DCLRE1C: variants seen among roughly 807,000 people sequenced by gnomAD.
The protein encoded by DCLRE1C is DNA cross-link repair 1C.
DCLRE1C carries 47 observed loss-of-function variants against 61.4 expected under a neutral mutation model. The ratio of observed to expected loss-of-function variants is 0.77; its 90% CI spans 0.61 to 0.98. The LOEUF (loss-of-function observed/expected upper bound fraction) is 0.98. Among genes scored for constraint, DCLRE1C ranks in the 50% least tolerant of loss-of-function variants. The pLI, the probability that DCLRE1C is intolerant of heterozygous loss-of-function variation, is 0.00. For synonymous variants in DCLRE1C, 337 were observed against 287.6 expected, an observed-to-expected ratio of 1.17 and a Z score of -1.74; for missense variants, 858 against 816.0, an observed-to-expected ratio of 1.05 and a Z score of -0.63.
chr10:14,938,881 C>CA (rs1386353525), intron 4 of DCLRE1C, among the ~76,000 whole-genome samples: 1 of 152,086 alleles, frequency 6.6e-6, no homozygotes, highest in Non-Finnish European at 1.5e-5. Context: ...ACAAATGTGA[C>CA]AAAAAATAAG....
chr10:14,942,989 G>A (rs1486184747), intron 3 of DCLRE1C, among the ~76,000 whole-genome samples: 3 of 152,172 alleles, frequency 2.0e-5, no homozygotes, highest in African/African-American at 7.2e-5. Context: ...AGCCAGGTGT[G>A]GTGGTTCAGG....
intron 11 of DCLRE1C, among the ~76,000 whole-genome samples, chr10:14,925,824 C>T (rs996320402): frequency 7.9e-5 from 12 of 152,122 alleles, no homozygotes; most frequent in East Asian, 1.9e-4. Context: ...AAAAAGGAAA[C>T]TTTCGATATG....
chr10:14,908,311 A>C lies in DCLRE1C; in HGVS notation c.*97T>G. On this transcript the variant is annotated 3_prime_UTR_variant, in exon 14 of 14. Transcript: ENST00000378278. Reference sequence around the variant, plus strand: ...CCACCACACCCAACCAGGTTATTTGAACATTTTTAAGTACTGTATTTTCTC... The same window carrying C: ...CCACCACACCCAACCAGGTTATTTGCACATTTTTAAGTACTGTATTTTCTC... 9.5e-7 allele frequency: 1 copy of C among 1,050,796 alleles called. No homozygotes were observed. Among genetic ancestry groups the C allele is most frequent in the Non-Finnish European group, 1.4e-6 (1 of 691,430 alleles). The allele number at this position is 1,050,796 out of a possible 1,614,324, so 65.1% of individuals were successfully genotyped here. A position where few individuals can be genotyped will look rare whatever the true frequency, so the allele number is the denominator to read the frequency against.
At chr10:14,900,752 C>G (rs568573478), downstream of DCLRE1C, among the ~76,000 whole-genome samples, 257 of 151,946 alleles carry the variant, frequency 1.7e-3, no homozygotes, top group Non-Finnish European at 3.1e-3. Context: ...CACAGTTGTT[C>G]TAGTTATTTT....
chr10:14,950,690 G>C (rs1223841525), intron 1 of DCLRE1C, among the ~76,000 whole-genome samples: 1 of 152,180 alleles, frequency 6.6e-6, no homozygotes, highest in Non-Finnish European at 1.5e-5. Flanking sequence ...GCAAAGAGGA[G>C]GCTGAATGCA....
In DCLRE1C at chr10:14,949,707, G is replaced by T. The variant is rs41304324; in HGVS notation, c.110-620C>A. ...CATTCCAATATATTCTGAATCTTTAGCAAGTAAAGGCCCAGACAACAATGA... is the reference window on the plus strand; with the variant it reads ...CATTCCAATATATTCTGAATCTTTATCAAGTAAAGGCCCAGACAACAATGA... On this transcript the variant is annotated intron_variant, in intron 1 of 13. Transcript: ENST00000378278. Among the ~76,000 whole-genome samples the T allele has an allele frequency of 1.5e-3, 231 of 152,340 alleles. 11 individuals are homozygous for T. The East Asian group carries it at 0.04, about 26-fold the overall frequency.
At position 14,935,236 on chromosome 10, in the gene DCLRE1C, G is replaced by T. The variant is rs1453006158; in HGVS notation, c.464+227C>A. 3.3e-5 allele frequency among the ~76,000 whole-genome samples: 5 copies of T among 151,984 alleles called. 1 individual carries two copies. The highest frequency in any genetic ancestry group is 3.3e-4 in the Admixed American group (5 of 15,264). On this transcript the variant is annotated intron_variant, in intron 6 of 13. Transcript: ENST00000378278. The stretch of plus-strand genomic sequence containing the variant: ...AATCCCAGCACTTTGGGAGGCCAAG[G>T]GGGGCAGATCACCTGAAGTCAGGAG...
rs1836800795 is a variant in DCLRE1C, at chr10:14,919,802, A to C, written c.1092T>G (p.Ser364Arg). 1 of 1,613,864 alleles carries C rather than the reference A, an allele frequency of 6.2e-7. No homozygotes were observed. Among genetic ancestry groups the C allele is most frequent in the African/African-American group, 1.3e-5 (1 of 74,906 alleles). ...ILKPLCRSSQ[S>R]TEPKYKPLGK... is the part of the protein sequence containing the mutation. ...CCAGTGGTTTATACTTTGGCTCCGT[A>C]CTTTGGGAAGACCGGCATAAAGGCT... The change falls in exon 13 of 14, where the codon AGT becomes AGG. Residue 364 changes from serine to arginine, a missense_variant. By Grantham distance (110) the Ser-to-Arg change is moderately radical. Around this residue, in one of 2 missense-constraint regions of DCLRE1C, gnomAD observed 843 missense variants for 783.5 expected, o/e 1.08. Coordinates refer to ENST00000378278, the MANE Select transcript of DCLRE1C (RefSeq NM_001033855.3).
At chr10:14,928,269 A>T in intron 9 of DCLRE1C, 117 bp from the exon 10 acceptor site, 1 of 917,206 alleles carries the variant, frequency 1.1e-6, no homozygotes, top group African/African-American at 1.7e-5. Flanking sequence ...AAAAAATAAA[A>T]AAAAAGCAGC....
downstream of DCLRE1C, among the ~76,000 whole-genome samples, chr10:14,900,219 A>G (rs1270531317): frequency 1.3e-5 from 2 of 152,228 alleles, no homozygotes; most frequent in Admixed American, 1.3e-4. Context: ...CTTAGAATAC[A>G]GCTGGCACTT....
intron 9 of DCLRE1C, among the ~76,000 whole-genome samples, chr10:14,932,407 G>A (rs1839161699): frequency 6.6e-6 from 1 of 152,140 alleles, no homozygotes; most frequent in African/African-American, 2.4e-5. Flanking sequence ...GGAGGCCGAG[G>A]GAGGCGGATC....
chr10:14,900,725 A>T (rs1453855954), downstream of DCLRE1C, among the ~76,000 whole-genome samples: 1 of 152,180 alleles, frequency 6.6e-6, no homozygotes, highest in Non-Finnish European at 1.5e-5. Context: ...TCTGTAGTGC[A>T]GATTTGATTT....
Position 14,922,982 on chromosome 10 carries a change from T to C in DCLRE1C, c.1060A>G (p.Ile354Val). Residue 354 changes from isoleucine to valine, a missense_variant and splice_region_variant, in exon 12 of 14, where the codon ATC becomes GTC. Around this residue, in one of 2 missense-constraint regions of DCLRE1C, gnomAD observed 843 missense variants for 783.5 expected, o/e 1.08. Transcript: ENST00000378278. Reference protein sequence around the residue: ...VGTTMDKVVEILKPLCRSSQS... With the variant: ...VGTTMDKVVEVLKPLCRSSQS... Reference sequence around the variant, plus strand: ...GTCCCACAACCAGTGACTACTCACATTTCGACAACTTTATCCATAGTTGTG... The same window carrying C: ...GTCCCACAACCAGTGACTACTCACACTTCGACAACTTTATCCATAGTTGTG... The C allele has an allele frequency of 1.9e-6, 3 of 1,613,224 alleles. No homozygotes were observed. Among genetic ancestry groups the C allele is most frequent in the Non-Finnish European group, 2.5e-6 (3 of 1,179,136 alleles).
chr10:14,899,803 A>ATTTTTATTTTGGAAATGT, downstream of DCLRE1C: 1 of 1,252,144 alleles, frequency 8.0e-7, no homozygotes, highest in Non-Finnish European at 1.1e-6. Flanking sequence ...CAAAATATGT[A>ATTTTTATTTTGGAAATGT]TTTTATAAGG....
intron 8 of DCLRE1C, 26 bp downstream of exon 8, chr10:14,934,354 A>G: frequency 2.5e-6 from 4 of 1,602,844 alleles, no homozygotes; most frequent in Non-Finnish European, 3.4e-6. Context: ...GAAAAAAGAA[A>G]AGAAAAGAAT....
intron 2 of DCLRE1C, among the ~76,000 whole-genome samples, chr10:14,948,770 T>TTTTA (rs1554800031): frequency 7.0e-6 from 1 of 143,694 alleles, no homozygotes; most frequent in African/African-American, 2.6e-5. Flanking sequence ...TTTGGTAGGA[T>TTTTA]TATATATATA....
Position 14,953,910 on chromosome 10 carries a change from C to A in DCLRE1C, c.101G>T (p.Cys34Phe), listed in dbSNP as rs1842826310. 2 of 1,613,868 alleles carry A rather than the reference C, an allele frequency of 1.2e-6. No homozygotes were observed. The highest frequency in any genetic ancestry group is 1.7e-6 in the Non-Finnish European group (2 of 1,179,922). ...GCGCAGCCCTCACTCACCTTTGTGGCAGTGGGACAGGAAGTAGGCGCGGGC... is the reference window on the plus strand; with the variant it reads ...GCGCAGCCCTCACTCACCTTTGTGGAAGTGGGACAGGAAGTAGGCGCGGGC... ...LRARAYFLSH[C>F]HKDHMKGLRA... Residue 34 changes from cysteine (C) to phenylalanine (F), a missense_variant, in exon 1 of 14, where the codon TGC (cysteine) becomes TTC (phenylalanine). By Grantham distance (205) the Cys-to-Phe change is radical. Transcript: ENST00000378278.
chr10:14,940,567 C>T (rs4748113), intron 3 of DCLRE1C, among the ~76,000 whole-genome samples: 3,091 of 150,990 alleles, frequency 0.02, 90 homozygotes, highest in Admixed American at 0.072. Flanking sequence ...GGATTACAGG[C>T]GTGAGCCACC....
chr10:14,910,651 T>A (rs757284505), intron 13 of DCLRE1C, among the ~76,000 whole-genome samples: 3 of 152,220 alleles, frequency 2.0e-5, no homozygotes, highest in Non-Finnish European at 4.4e-5. Context: ...CAGTTCTGCA[T>A]TCCAAATCAG....
Sources: allele counts gnomAD v4.1 joint callset (sites outside exome capture counted in the v4.1 genomes callset), GRCh38; gene constraint gnomAD v4.1.1; regional missense constraint gnomAD v4.1.1; transcripts MANE v1.5; gene names NCBI Gene and HGNC (gene_info 2026-07-23, HGNC 2026-07-21).